PLCE1: variants seen among roughly 807,000 people sequenced by gnomAD.
PLCE1 encodes 1-phosphatidylinositol 4,5-bisphosphate phosphodiesterase epsilon-1.
Under a neutral mutation model 242.8 loss-of-function variants are expected in PLCE1, and 119 were observed. The ratio of observed to expected loss-of-function variants is 0.49; its 90% CI spans 0.42 to 0.57. The LOEUF is 0.57. PLCE1 is among the 20% of genes least tolerant of loss of function. The probability of loss-of-function intolerance (pLI) is 0.00; values close to 1 mark genes in which losing one functional copy is unlikely to be tolerated. For missense variants in PLCE1, 2,441 were observed against 2,788.8 expected, an observed-to-expected ratio of 0.88 and a Z score of 2.81; for synonymous variants, 945 against 1,017.4, an observed-to-expected ratio of 0.93 and a Z score of 1.35.
At chr10:94,181,629 C>T (rs1376667731) in intron 4 of PLCE1, among the ~76,000 whole-genome samples, 1 of 151,938 alleles carries the variant, frequency 6.6e-6, no homozygotes, top group African/African-American at 2.4e-5. Flanking sequence ...TCCATGAAGG[C>T]CAGGCATAGT....
intron 4 of PLCE1, among the ~76,000 whole-genome samples, chr10:94,194,666 T>C (rs551251580): frequency 4.9e-4 from 74 of 152,238 alleles, no homozygotes; most frequent in Non-Finnish European, 9.4e-4. Flanking sequence ...GCAAGTTTCC[T>C]AACTATTGTA....
chr10:94,124,854 G>A (rs367811806), intron 2 of PLCE1, among the ~76,000 whole-genome samples: 86 of 152,292 alleles, frequency 5.6e-4, no homozygotes, highest in African/African-American at 1.9e-3. Context: ...TAAACTGTTG[G>A]TGGATTTATC....
chr10:94,036,259 G>A (rs1044791824), intron 2 of PLCE1, among the ~76,000 whole-genome samples: 3 of 152,144 alleles, frequency 2.0e-5, no homozygotes, highest in Non-Finnish European at 4.4e-5. Flanking sequence ...ATGCTTTGTC[G>A]AGAACACATT....
In PLCE1 at chr10:94,031,295, T is replaced by C. The variant is rs375835173; in HGVS notation, c.249T>C (p.Asp83=). 3 of 1,613,724 alleles carry C rather than the reference T, an allele frequency of 1.9e-6. No individual in the cohort carries two copies. Among genetic ancestry groups the C allele is most frequent in the Non-Finnish European group, 2.5e-6 (3 of 1,179,886 alleles). ...LSIAREKIVS[D]ENSNEKCWEK... is the part of the protein sequence containing the mutation. The stretch of plus-strand genomic sequence containing the variant: ...TAGCGAGGGAGAAAATAGTGAGTGA[T>C]GAGAACAGTAATGAAAAATGTTGGG... The change falls in exon 2 of 33, where the codon GAT becomes GAC. Residue 83 remains aspartate, a synonymous_variant. Transcript: ENST00000371380.
chr10:94,053,572 G>T (rs2043823327), intron 2 of PLCE1, among the ~76,000 whole-genome samples: 1 of 152,214 alleles, frequency 6.6e-6, no homozygotes, highest in Admixed American at 6.5e-5. Context: ...GCATGCACCA[G>T]TAGACTCAGA....
At chr10:94,064,322 A>T (rs2044141322) in intron 2 of PLCE1, among the ~76,000 whole-genome samples, 1 of 152,086 alleles carries the variant, frequency 6.6e-6, no homozygotes, top group African/African-American at 2.4e-5. Flanking sequence ...AGGCTGAGGT[A>T]GGTGGATCAC....
chr10:94,217,353 T>G (rs1450245615), intron 4 of PLCE1, among the ~76,000 whole-genome samples: 1 of 152,142 alleles, frequency 6.6e-6, no homozygotes, highest in Non-Finnish European at 1.5e-5. Context: ...CACAATAGGA[T>G]CAGGATAGTT....
chr10:94,151,713 G>C lies in PLCE1; in HGVS notation c.1492+19254G>C, dbSNP rs145790957. On this transcript the variant is annotated intron_variant, in intron 3 of 32. Transcript: ENST00000371380. ...GTAAGTTCAGGCTGAAAGGCTGCAA[G>C]GGGGCCAGAAATGAGCACCATGGCT... Among the ~76,000 whole-genome samples, 77 of 152,312 alleles carry C rather than the reference G, an allele frequency of 5.1e-4. No individual in the cohort carries two copies. The East Asian group carries it at 9.3e-3, about 18-fold the overall frequency.
At chr10:94,088,698 C>G (rs983174976) in intron 2 of PLCE1, among the ~76,000 whole-genome samples, 1 of 152,120 alleles carries the variant, frequency 6.6e-6, no homozygotes, top group African/African-American at 2.4e-5. Flanking sequence ...TGGATGGCTG[C>G]CTTCTATTAT....
intron 2 of PLCE1, chr10:94,097,014 G>A (rs2045340861): frequency 6.6e-6 from 1 of 152,164 alleles, no homozygotes; most frequent in Admixed American, 6.5e-5. Context: ...ATGAAAGAAA[G>A]TACCAAGAAG....
intron 26 of PLCE1, 73 bp from the exon 27 acceptor site, chr10:94,308,508 T>G: frequency 9.7e-7 from 1 of 1,032,788 alleles, no homozygotes; most frequent in Non-Finnish European, 1.5e-6. Flanking sequence ...ACCTGTCATT[T>G]GCCGACTTCC....
intron 30 of PLCE1, among the ~76,000 whole-genome samples, chr10:94,323,139 T>C (rs17438643): frequency 0.13 from 20,440 of 152,106 alleles, 1,543 homozygotes; most frequent in Middle Eastern, 0.27. Flanking sequence ...GTACTGACCA[T>C]CTCTCAAGGA....
intron 4 of PLCE1, among the ~76,000 whole-genome samples, chr10:94,196,645 T>TA (rs1485354012): frequency 1.3e-5 from 2 of 151,726 alleles, no homozygotes; most frequent in East Asian, 3.9e-4. Context: ...AATTTAAAAA[T>TA]AAAAAAAGAC....
At chr10:94,207,276 C>T (rs1204927427) in intron 4 of PLCE1, among the ~76,000 whole-genome samples, 1 of 152,046 alleles carries the variant, frequency 6.6e-6, no homozygotes, top group Non-Finnish European at 1.5e-5. Flanking sequence ...GAAGGGAAAG[C>T]CGAAATGGTT....
chr10:94,214,576 A>G (rs182653573), intron 4 of PLCE1, among the ~76,000 whole-genome samples: 41 of 152,260 alleles, frequency 2.7e-4, no homozygotes, highest in Admixed American at 1.3e-3. Flanking sequence ...TTGTTCACAC[A>G]GATTTGTTTT....
rs766219926 is a variant in PLCE1 at position 94,252,456 on chromosome 10, G to A, written c.3237G>A (p.Leu1079=). The A allele has an allele frequency of 1.2e-6, 2 of 1,613,752 alleles. No individual in the cohort carries two copies. The highest frequency in any genetic ancestry group is 4.5e-5 in the East Asian group (2 of 44,856). The change falls in exon 9 of 33, where the codon CTG becomes CTA. Residue 1079 remains leucine (L), a synonymous_variant. Coordinates refer to ENST00000371380, the MANE Select transcript of PLCE1 (RefSeq NM_016341.4). ...EKPNMQRNNT[L]GISTTKKKKK... The stretch of plus-strand genomic sequence containing the variant: ...CCAATATGCAGAGAAACAATACCCT[G>A]GGCATAAGCACTACCAAGAAAAAGA...
intron 4 of PLCE1, among the ~76,000 whole-genome samples, chr10:94,173,181 C>G (rs1273545911): frequency 6.6e-6 from 1 of 152,100 alleles, no homozygotes; most frequent in Non-Finnish European, 1.5e-5. Context: ...TTGGTTTAAG[C>G]CCACAAAGTC....
intron 2 of PLCE1, chr10:94,094,790 A>C (rs765006922): frequency 7.9e-5 from 12 of 152,116 alleles, no homozygotes; most frequent in Non-Finnish European, 1.3e-4. Flanking sequence ...CTGCCACTAG[A>C]TGAGGAGTGA....
chr10:94,263,577 A>G (rs939359929), intron 14 of PLCE1, among the ~76,000 whole-genome samples: 1 of 151,706 alleles, frequency 6.6e-6, no homozygotes, highest in African/African-American at 2.4e-5. Flanking sequence ...TTATAATCCC[A>G]GCTACCTGGG....
Sources: gnomAD v4.1 joint callset for allele counts (sites outside exome capture counted in the v4.1 genomes callset) on GRCh38, gnomAD v4.1.1 for gene constraint, MANE v1.5 for transcripts, NCBI Gene and HGNC (gene_info 2026-07-23, HGNC 2026-07-21) for gene names.